Variants in BECN1 observed in about 807,000 individuals in gnomAD.
BECN1 encodes the protein beclin-1.
Under a neutral mutation model 60.1 loss-of-function variants are expected in BECN1, and 15 were observed. The ratio of observed to expected loss-of-function variants is 0.25; its 90% CI spans 0.17 to 0.38. The LOEUF is 0.38. BECN1 is among the 10% of genes least tolerant of loss of function. BECN1 has a pLI of 1.00. For synonymous variants in BECN1, 179 were observed against 201.8 expected (o/e 0.89, Z 0.96); for missense variants, 424 against 548.2 (o/e 0.77, Z 2.26).
intron 7 of BECN1, among the ~76,000 whole-genome samples, chr17:42,816,924 C>T (rs2144178795): frequency 6.6e-6 from 1 of 151,670 alleles, no homozygotes; most frequent in Non-Finnish European, 1.5e-5. Context: ...CAACTGAGAT[C>T]ATGCCACTGC....
chr17:42,818,168 T>G, intron 7 of BECN1, 53 bp downstream of exon 7: 2 of 1,575,556 alleles, frequency 1.3e-6, no homozygotes, highest in South Asian at 2.3e-5. Flanking sequence ...CTGGAAGCCA[T>G]TTCCTCTCCT....
In BECN1 at chr17:42,818,883, G is replaced by A; in HGVS notation, c.261-6C>T. The A allele has an allele frequency of 6.2e-7, 1 of 1,614,038 alleles. No homozygotes were observed. The highest frequency in any genetic ancestry group is 8.5e-7 in the Non-Finnish European group (1 of 1,179,916). Reference sequence around the variant, plus strand: ...CACTTTCTGTGGACATCATCCTGCAGACAGCCCCCCGCCCACGGGCCACAT... The same window carrying A: ...CACTTTCTGTGGACATCATCCTGCAAACAGCCCCCCGCCCACGGGCCACAT... On this transcript the variant is annotated splice_region_variant and splice_polypyrimidine_tract_variant and intron_variant, in intron 4 of 11. Coordinates refer to ENST00000590099, the MANE Select transcript of BECN1 (RefSeq NM_001313998.2).
At chr17:42,813,084 T>C (rs146821768) in intron 10 of BECN1, among the ~76,000 whole-genome samples, 6 of 150,062 alleles carry the variant, frequency 4.0e-5, no homozygotes, top group African/African-American at 9.8e-5. Flanking sequence ...GACCTTGTGA[T>C]CCACCCGCCT....
chr17:42,818,654 CATG>C lies in BECN1; in HGVS notation c.375_377del (p.Ile125del). Reference sequence around the variant, plus strand: ...GGTGATCCACATCTGTCTGGCCCGACATGATGTCAAAAAGGTCCCCAGTGACCT... The same window carrying C: ...GGTGATCCACATCTGTCTGGCCCGACATGTCAAAAAGGTCCCCAGTGACCT... On this transcript the variant is annotated inframe_deletion, in exon 6 of 12. Coordinates refer to ENST00000590099, the MANE Select transcript of BECN1 (RefSeq NM_001313998.2). The C allele has an allele frequency of 6.2e-7, 1 of 1,614,180 alleles. No homozygotes were observed. The highest frequency in any genetic ancestry group is 8.5e-7 in the Non-Finnish European group (1 of 1,180,034).
chr17:42,824,239 G>C lies in BECN1; in HGVS notation c.-87C>G, dbSNP rs993557179. ...GGTCGGCCCCGGAGCGAGGCCTCCAGAACTACCATCGCTCTGTCTTCAGCG... is the reference window on the plus strand; with the variant it reads ...GGTCGGCCCCGGAGCGAGGCCTCCACAACTACCATCGCTCTGTCTTCAGCG... On this transcript the variant is annotated 5_prime_UTR_variant, in exon 1 of 12. Coordinates refer to ENST00000590099, the MANE Select transcript of BECN1 (RefSeq NM_001313998.2). The C allele has an allele frequency of 1.2e-4, 50 of 404,256 alleles. No homozygotes were observed. Among genetic ancestry groups the C allele is most frequent in the African/African-American group, 9.4e-4 (46 of 48,866 alleles). The allele number at this position is 404,256 out of a possible 1,614,324, so 25.0% of individuals were successfully genotyped here.
rs1209175959 is a variant in BECN1, at chr17:42,823,677, T to C, written c.130+71A>G. 1.9e-6 allele frequency: 3 copies of C among 1,561,576 alleles called. No individual in the cohort carries two copies. In the East Asian group the frequency reaches 6.9e-5, roughly 36 times the overall value. The stretch of plus-strand genomic sequence containing the variant: ...TTTGTGGCAGACTACACAGCCACCA[T>C]AAGAATTATATCACCAAAGCTGCCC... On this transcript the variant is annotated intron_variant, in intron 2 of 11. Transcript: ENST00000590099.
intron 10 of BECN1, chr17:42,812,460 T>A (rs2055039193): frequency 6.6e-6 from 1 of 150,496 alleles, no homozygotes; most frequent in Non-Finnish European, 1.5e-5. Context: ...ACGTCTGTAA[T>A]CCCAGCACTT....
intron 10 of BECN1, chr17:42,813,663 A>G: frequency 4.2e-6 from 1 of 237,014 alleles, no homozygotes; most frequent in Middle Eastern, 1.4e-3. Flanking sequence ...TTCTGGTGAT[A>G]CTCAACCTGT....
intron 2 of BECN1, among the ~76,000 whole-genome samples, chr17:42,821,830 G>A (rs2055270504): frequency 6.6e-6 from 1 of 152,154 alleles, no homozygotes; most frequent in South Asian, 2.1e-4. Context: ...TATTGAAGCT[G>A]GATGATGAAT....
At chr17:42,811,921 G>C (rs2055018116) in intron 10 of BECN1, 124 bp from the exon 11 acceptor site, 4 of 1,171,100 alleles carry the variant, frequency 3.4e-6, no homozygotes, top group Non-Finnish European at 4.8e-6. Flanking sequence ...TTGTATTGTA[G>C]CTGGACTCTA....
rs756017203 is a variant in BECN1, at chr17:42,818,457, T to G, written c.489-42A>C. 2.5e-6 allele frequency: 4 copies of G among 1,612,316 alleles called. No homozygotes were observed. In the South Asian group the frequency reaches 3.3e-5, roughly 13 times the overall value. On this transcript the variant is annotated intron_variant, in intron 6 of 11. Coordinates refer to ENST00000590099, the MANE Select transcript of BECN1 (RefSeq NM_001313998.2). ...CAGACTATACTTACTAGAGCTCCAT[T>G]TGCCTGAGTGGAGTACGGCTCTTGG... is the stretch of plus-strand genomic sequence containing the variant.
chr17:42,814,367 G>T, intron 9 of BECN1, 157 bp downstream of exon 9: 1 of 970,008 alleles, frequency 1.0e-6, no homozygotes, highest in Non-Finnish European at 1.5e-6. Flanking sequence ...AGAGCCCTGT[G>T]ATGAGGGGAA....
At chr17:42,820,382 G>C (rs937033395) in intron 3 of BECN1, 3 of 190,922 alleles carry the variant, frequency 1.6e-5, no homozygotes, top group African/African-American at 6.9e-5. Flanking sequence ...GTCCTAACCA[G>C]GATGCTTTTG....
rs2055327453 is a variant in BECN1, at chr17:42,823,818, G to C, written c.60C>G (p.Arg20=). ...STMQVSFVCQ[R]CSQPLKLDTS... is the part of the protein sequence containing the mutation. ...TGTCCAGTTTCAGGGGCTGGCTGCA[G>C]CGCTGGCACACGAAGCTCACCTGCA... The change falls in exon 2 of 12, where the codon CGC becomes CGG. Residue 20 remains arginine (R), a synonymous_variant. Transcript: ENST00000590099. 1 of 1,614,058 alleles carries C rather than the reference G, an allele frequency of 6.2e-7. No homozygotes were observed. Among genetic ancestry groups the C allele is most frequent in the African/African-American group, 1.3e-5 (1 of 74,926 alleles).
At chr17:42,820,127 C>T (rs958610872) in intron 3 of BECN1, among the ~76,000 whole-genome samples, 1 of 152,126 alleles carries the variant, frequency 6.6e-6, no homozygotes, top group African/African-American at 2.4e-5. Context: ...TCACTGCCTG[C>T]AGGGGGCGCT....
chr17:42,824,113 A>T (rs1351537928), intron 1 of BECN1, 42 bp downstream of exon 1: 46 of 505,730 alleles, frequency 9.1e-5, no homozygotes, highest in Non-Finnish European at 7.0e-6. Flanking sequence ...GGGTTCCCAG[A>T]CTCCCTTCTA....
At chr17:42,816,289 T>C (rs2055144306) in intron 7 of BECN1, among the ~76,000 whole-genome samples, 1 of 152,192 alleles carries the variant, frequency 6.6e-6, no homozygotes, top group African/African-American at 2.4e-5. Context: ...GAAAAAAGAA[T>C]TCTCCCAAAC....
intron 8 of BECN1, 39 bp from the exon 9 acceptor site, chr17:42,814,712 A>T: frequency 1.2e-6 from 2 of 1,611,374 alleles, no homozygotes; most frequent in Non-Finnish European, 8.5e-7. Context: ...AAATACAGGG[A>T]TTACTTAAAA....
In BECN1 at chr17:42,824,021, G is replaced by T. The variant is rs1409790970; in HGVS notation, c.-3+134C>A. 2.8e-6 allele frequency: 3 copies of T among 1,082,230 alleles called. No homozygotes were observed. In the East Asian group the frequency reaches 8.0e-5, roughly 29 times the overall value. 67.0% of individuals were successfully genotyped at this position (1,082,230 alleles called of 1,614,324 possible). ...TTCCCTCTAGGAATGGTATGATACG[G>T]GGAGGACCTGCTTCCGGGACAGCCT... is the stretch of plus-strand genomic sequence containing the variant. On this transcript the variant is annotated intron_variant, in intron 1 of 11. Transcript: ENST00000590099.
Sources: gnomAD v4.1 joint callset for allele counts (sites outside exome capture counted in the v4.1 genomes callset) on GRCh38, gnomAD v4.1.1 for gene constraint, MANE v1.5 for transcripts, NCBI Gene and HGNC (gene_info 2026-07-23, HGNC 2026-07-21) for gene names.